Variants in RBM47 observed in about 807,000 individuals in gnomAD.
RBM47 encodes RNA binding motif protein 47.
Under a neutral mutation model 47.1 loss-of-function variants are expected in RBM47, and 21 were observed. The ratio of observed to expected loss-of-function variants is 0.45; its 90% CI spans 0.32 to 0.64. The LOEUF is 0.64. Ranked by LOEUF, RBM47 falls within the 30% of genes least tolerant of loss-of-function variation. The pLI is 0.05. For missense variants in RBM47, 708 were observed against 870.9 expected (o/e 0.81, Z 2.35); for synonymous variants, 375 against 361.7 (o/e 1.04, Z -0.42).
At chr4:40,460,628 T>C (rs1194927672) in intron 3 of RBM47, among the ~76,000 whole-genome samples, 1 of 152,044 alleles carries the variant, frequency 6.6e-6, no homozygotes, top group Non-Finnish European at 1.5e-5. Flanking sequence ...TGAGGTGAGA[T>C]TGTGCCACTG....
intron 1 of RBM47, among the ~76,000 whole-genome samples, chr4:40,570,600 A>T (rs891558259): frequency 1.3e-5 from 2 of 152,006 alleles, no homozygotes; most frequent in African/African-American, 4.8e-5. Context: ...GGAACCCCTG[A>T]TCTAAAGGGC....
At chr4:40,614,957 T>C (rs567843939) in intron 1 of RBM47, among the ~76,000 whole-genome samples, 137 of 151,760 alleles carry the variant, frequency 9.0e-4, no homozygotes, top group South Asian at 9.0e-3. Flanking sequence ...TCACGGGTGG[T>C]TTGTTGGTTA....
At chr4:40,621,535 A>C (rs1209935222) in intron 1 of RBM47, among the ~76,000 whole-genome samples, 1 of 152,242 alleles carries the variant, frequency 6.6e-6, no homozygotes, top group Non-Finnish European at 1.5e-5. Flanking sequence ...AGCTGAGAAC[A>C]ATCTAAATGG....
intron 1 of RBM47, among the ~76,000 whole-genome samples, chr4:40,594,045 C>T (rs1734530021): frequency 1.3e-5 from 2 of 151,974 alleles, no homozygotes; most frequent in South Asian, 2.1e-4. Context: ...GAGCAAGACC[C>T]CATCTCAAAA....
At chr4:40,613,403 C>T (rs991938475) in intron 1 of RBM47, among the ~76,000 whole-genome samples, 1 of 151,882 alleles carries the variant, frequency 6.6e-6, no homozygotes, top group African/African-American at 2.4e-5. Flanking sequence ...TTAGTAGCCT[C>T]GAAAGAAAAA....
At chr4:40,610,978 C>T (rs111532021) in intron 1 of RBM47, among the ~76,000 whole-genome samples, 1 of 152,084 alleles carries the variant, frequency 6.6e-6, no homozygotes, top group Admixed American at 6.6e-5. Flanking sequence ...TTCCCAGTCT[C>T]GGGTATGTTT....
At position 40,436,171 on chromosome 4, in the gene RBM47, C is replaced by CA. The variant is rs68002544; in HGVS notation, c.1330+269dup. On this transcript the variant is annotated intron_variant, in intron 5 of 6. Coordinates refer to ENST00000295971, the MANE Select transcript of RBM47 (RefSeq NM_001098634.2). The stretch of plus-strand genomic sequence containing the variant: ...TGGGCGACAGAGCGAGACTCTGTCT[C>CA]AAAAAAAAAAAAAAACAAACAAACA... Among the ~76,000 whole-genome samples, 499 of 130,216 alleles carry CA rather than the reference C, an allele frequency of 3.8e-3. 4 individuals are homozygous for CA. Among genetic ancestry groups the CA allele is most frequent in the Non-Finnish European group, 3.7e-3 (231 of 62,380 alleles). 85.4% of individuals were successfully genotyped at this position (130,216 alleles called of 152,430 possible).
intron 1 of RBM47, among the ~76,000 whole-genome samples, chr4:40,561,502 G>T (rs1262041289): frequency 7.9e-5 from 12 of 151,190 alleles, no homozygotes; most frequent in Non-Finnish European, 4.4e-5. Context: ...GGGATTACAG[G>T]CATAAGCCAC....
intron 1 of RBM47, among the ~76,000 whole-genome samples, chr4:40,556,099 G>A (rs565049479): frequency 1.3e-5 from 2 of 150,404 alleles, no homozygotes; most frequent in African/African-American, 4.9e-5. Flanking sequence ...GCGGTGGCGT[G>A]ATCTTGGCTC....
intron 1 of RBM47, among the ~76,000 whole-genome samples, chr4:40,576,820 C>G (rs913962886): frequency 6.6e-6 from 1 of 152,118 alleles, no homozygotes; most frequent in African/African-American, 2.4e-5. Flanking sequence ...AAACACTTTG[C>G]ATGTGTTATC....
intron 1 of RBM47, among the ~76,000 whole-genome samples, chr4:40,551,718 G>A (rs534701578): frequency 1.1e-3 from 158 of 148,970 alleles, no homozygotes; most frequent in African/African-American, 3.8e-3. Flanking sequence ...GTGGGATCTC[G>A]GCTCACTGCA....
At chr4:40,434,648 G>A (rs181141464) in intron 5 of RBM47, among the ~76,000 whole-genome samples, 22 of 136,852 alleles carry the variant, frequency 1.6e-4, no homozygotes, top group African/African-American at 5.8e-4. Flanking sequence ...CATTTAAAAG[G>A]CAATCTAGTC....
chr4:40,583,157 T>C (rs376852314), intron 1 of RBM47, among the ~76,000 whole-genome samples: 12 of 152,194 alleles, frequency 7.9e-5, no homozygotes, highest in African/African-American at 2.9e-4. Context: ...CCAAGCACAG[T>C]GGCTCACGCC....
intron 3 of RBM47, among the ~76,000 whole-genome samples, chr4:40,466,265 C>CAAAAAAAA (rs55805915): frequency 2.7e-4 from 25 of 91,522 alleles, no homozygotes; most frequent in South Asian, 3.7e-4. Context: ...GAGACTGTCT[C>CAAAAAAAA]AAAAAAAAAA....
chr4:40,445,905 A>G (rs1384396686), intron 3 of RBM47, among the ~76,000 whole-genome samples: 1 of 152,216 alleles, frequency 6.6e-6, no homozygotes, highest in Non-Finnish European at 1.5e-5. Flanking sequence ...GCAAATCAAA[A>G]TATCTAGATA....
intron 1 of RBM47, among the ~76,000 whole-genome samples, chr4:40,550,774 A>T (rs6447194): frequency 0.15 from 22,918 of 152,118 alleles, 2,021 homozygotes; most frequent in African/African-American, 0.23. Context: ...GATAGAGGAA[A>T]AAGGGATTCA....
intron 2 of RBM47, among the ~76,000 whole-genome samples, chr4:40,493,771 C>CAAAAA (rs369288548): frequency 8.5e-6 from 1 of 118,082 alleles, no homozygotes; most frequent in Non-Finnish European, 1.7e-5. Flanking sequence ...GACCCTGTCT[C>CAAAAA]AAAAAAAAAA....
chr4:40,504,870 T>C (rs1255120247), intron 2 of RBM47, among the ~76,000 whole-genome samples: 2 of 152,268 alleles, frequency 1.3e-5, no homozygotes, highest in Non-Finnish European at 2.9e-5. Context: ...TTGTGAGTTA[T>C]CTGCCAATGG....
At chr4:40,525,887 A>G (rs1726656738) in intron 2 of RBM47, among the ~76,000 whole-genome samples, 1 of 152,220 alleles carries the variant, frequency 6.6e-6, no homozygotes, top group Non-Finnish European at 1.5e-5. Context: ...CAGTGCTGCT[A>G]TCAGAATTCA....
Sources: allele counts gnomAD v4.1 joint callset (sites outside exome capture counted in the v4.1 genomes callset), GRCh38; gene constraint gnomAD v4.1.1; transcripts MANE v1.5; gene names NCBI Gene and HGNC (gene_info 2026-07-23, HGNC 2026-07-21).